Variants in STXBP4 observed in about 807,000 individuals in gnomAD.
STXBP4 encodes syntaxin-binding protein 4.
In STXBP4, 55 loss-of-function variants were observed where a neutral mutation model predicts 76.1. The observed-to-expected ratio is 0.72, with a 90% CI of 0.58 to 0.91. The LOEUF (loss-of-function observed/expected upper bound fraction) is 0.91. STXBP4 is among the 40% of genes least tolerant of loss of function. The pLI, the probability that STXBP4 is intolerant of heterozygous loss-of-function variation, is 0.00. For missense variants in STXBP4, 618 were observed against 636.9 expected (o/e 0.97, Z 0.32); for synonymous variants, 201 against 220.2 (o/e 0.91, Z 0.77).
At chr17:55,123,414 C>G (rs2079868494) in intron 16 of STXBP4, among the ~76,000 whole-genome samples, 1 of 152,204 alleles carries the variant, frequency 6.6e-6, no homozygotes. Context: ...AAATTACTAT[C>G]ACTGGTCAAA....
At chr17:55,126,956 G>T (rs142054473) in intron 16 of STXBP4, among the ~76,000 whole-genome samples, 2 of 152,284 alleles carry the variant, frequency 1.3e-5, no homozygotes, top group East Asian at 3.9e-4. Context: ...TAATGGGATT[G>T]CACATACTAC....
intron 12 of STXBP4, among the ~76,000 whole-genome samples, chr17:55,066,996 C>CTGAA (rs2079059981): frequency 6.6e-6 from 1 of 152,194 alleles, no homozygotes; most frequent in Admixed American, 6.5e-5. Flanking sequence ...TCCCATAAAT[C>CTGAA]TGAACCCTTT....
chr17:55,024,240 C>T (rs762128430), intron 8 of STXBP4, among the ~76,000 whole-genome samples: 5 of 152,204 alleles, frequency 3.3e-5, no homozygotes, highest in African/African-American at 4.8e-5. Flanking sequence ...AACCTGCTCA[C>T]ATCGTTTAAC....
chr17:55,069,159 A>T (rs2079090888), intron 12 of STXBP4, among the ~76,000 whole-genome samples: 1 of 150,864 alleles, frequency 6.6e-6, no homozygotes, highest in South Asian at 2.1e-4. Context: ...TTGCCAAAAA[A>T]AAAAAAAAAA....
At chr17:54,978,996 G>A (rs764225012) in intron 1 of STXBP4, among the ~76,000 whole-genome samples, 1 of 151,888 alleles carries the variant, frequency 6.6e-6, no homozygotes, top group Non-Finnish European at 1.5e-5. Flanking sequence ...TATTTTTGAG[G>A]TTTCTGATAT....
chr17:55,105,326 T>G (rs1356675387), intron 16 of STXBP4, among the ~76,000 whole-genome samples: 1 of 152,210 alleles, frequency 6.6e-6, no homozygotes, highest in Non-Finnish European at 1.5e-5. Context: ...CGTTTTGTCT[T>G]TGTTGTCATT....
chr17:55,048,618 C>A (rs540800670), intron 12 of STXBP4, among the ~76,000 whole-genome samples: 89 of 141,040 alleles, frequency 6.3e-4, no homozygotes, highest in Non-Finnish European at 1.2e-3. Flanking sequence ...AGATATTGAT[C>A]ACCCCCAAAA....
chr17:55,055,872 C>T (rs975936682), intron 12 of STXBP4, among the ~76,000 whole-genome samples: 2 of 152,176 alleles, frequency 1.3e-5, no homozygotes, highest in Admixed American at 1.3e-4. Flanking sequence ...TTATGTTTTG[C>T]TCTTTATCTG....
chr17:55,199,391 A>G, the STXBP4 span, among the ~76,000 whole-genome samples: 1 of 152,232 alleles, frequency 6.6e-6, no homozygotes, highest in African/African-American at 2.4e-5. Context: ...TTTCCCCTAG[A>G]TGCAGTTAAG....
intron 7 of STXBP4, among the ~76,000 whole-genome samples, 155 bp downstream of exon 7, chr17:55,001,038 CT>C (rs1026588764): frequency 2.0e-5 from 3 of 152,100 alleles, no homozygotes; most frequent in Non-Finnish European, 4.4e-5. Flanking sequence ...CCGTTGGGCC[CT>C]GTTAAAGTAT....
the STXBP4 span, among the ~76,000 whole-genome samples, chr17:55,182,695 G>T: frequency 6.6e-6 from 1 of 150,786 alleles, no homozygotes; most frequent in African/African-American, 2.4e-5. Context: ...AAGACAAAAA[G>T]AAAATATTGA....
At position 55,109,646 on chromosome 17, in the gene STXBP4, TTA is replaced by T. The variant is rs1477628672; in HGVS notation, c.1489+28467_1489+28468del. On this transcript the variant is annotated intron_variant, in intron 16 of 17. Transcript: ENST00000376352. ...TGTCTTTTTTTTTTTTTTTTTTTTT[TTA>T]TATGGAGTTTCACTCTTGTTGCCCA... Among the ~76,000 whole-genome samples the T allele has an allele frequency of 2.4e-3, 275 of 116,706 alleles. 2 individuals carry two copies. Among genetic ancestry groups the T allele is most frequent in the African/African-American group, 4.5e-3 (131 of 28,948 alleles). 76.6% of individuals were successfully genotyped at this position (116,706 alleles called of 152,430 possible).
intron 12 of STXBP4, among the ~76,000 whole-genome samples, chr17:55,066,109 T>G (rs1449366211): frequency 6.6e-6 from 1 of 152,200 alleles, no homozygotes; most frequent in Non-Finnish European, 1.5e-5. Flanking sequence ...GAATCAAGGA[T>G]TAGGTAAGGT....
chr17:55,194,408 C>A, the STXBP4 span, among the ~76,000 whole-genome samples: 1 of 152,008 alleles, frequency 6.6e-6, no homozygotes, highest in Non-Finnish European at 1.5e-5. Context: ...TATTCCGGAA[C>A]AAGGGAACAA....
chr17:54,983,268 A>G (rs1218564159), intron 1 of STXBP4, among the ~76,000 whole-genome samples: 1 of 152,220 alleles, frequency 6.6e-6, no homozygotes, highest in Non-Finnish European at 1.5e-5. Flanking sequence ...GAATGGAATA[A>G]ACACCTAAAT....
intron 16 of STXBP4, among the ~76,000 whole-genome samples, chr17:55,119,107 C>T (rs954321405): frequency 2.0e-5 from 3 of 151,948 alleles, no homozygotes; most frequent in African/African-American, 7.2e-5. Flanking sequence ...CTATTTTTAA[C>T]CCACTTGCCA....
At chr17:55,100,842 G>C (rs997945062) in intron 16 of STXBP4, among the ~76,000 whole-genome samples, 6 of 152,142 alleles carry the variant, frequency 3.9e-5, no homozygotes, top group Non-Finnish European at 7.4e-5. Flanking sequence ...AGATTTTAGT[G>C]CCAATTTTGC....
At chr17:55,012,356 G>A (rs2078130968) in intron 8 of STXBP4, among the ~76,000 whole-genome samples, 1 of 152,104 alleles carries the variant, frequency 6.6e-6, no homozygotes, top group Non-Finnish European at 1.5e-5. Flanking sequence ...CCCATAGTAG[G>A]GTTCCTTCTA....
At chr17:55,158,393 A>G (rs534560809) in intron 17 of STXBP4, among the ~76,000 whole-genome samples, 1 of 152,290 alleles carries the variant, frequency 6.6e-6, no homozygotes, top group African/African-American at 2.4e-5. Context: ...TCTGAGGTTG[A>G]GTTTGGGGAG....
Sources: gnomAD v4.1 joint callset for allele counts (sites outside exome capture counted in the v4.1 genomes callset) on GRCh38, gnomAD v4.1.1 for gene constraint, MANE v1.5 for transcripts, NCBI Gene and HGNC (gene_info 2026-07-23, HGNC 2026-07-21) for gene names.